MEI4: variants seen among roughly 807,000 people sequenced by gnomAD.
MEI4 encodes meiotic double-stranded break formation protein 4.
Under a neutral mutation model 31.4 loss-of-function variants are expected in MEI4, and 27 were observed. The ratio of observed to expected loss-of-function variants is 0.86; its 90% CI spans 0.63 to 1.19. The LOEUF (loss-of-function observed/expected upper bound fraction) is 1.19. MEI4 is among the 50% of genes most tolerant of loss of function. The probability of loss-of-function intolerance (pLI) is 0.00; values close to 1 mark genes in which losing one functional copy is unlikely to be tolerated. For missense variants in MEI4, 329 were observed against 398.9 expected (o/e 0.82, Z 1.49); for synonymous variants, 122 against 145.4 (o/e 0.84, Z 1.16).
intron 2 of MEI4, among the ~76,000 whole-genome samples, chr6:77,735,089 C>T (rs9352518): frequency 0.81 from 122,893 of 151,910 alleles, 50,018 homozygotes; most frequent in East Asian, 0.95. Context: ...ATTTCTACTT[C>T]GGTGAACTGA....
intron 4 of MEI4, among the ~76,000 whole-genome samples, chr6:77,862,113 A>G (rs1195089938): frequency 1.3e-5 from 2 of 151,908 alleles, no homozygotes; most frequent in Non-Finnish European, 2.9e-5. Context: ...GAATAGGAAC[A>G]GCTCCAGTCT....
Position 77,889,909 on chromosome 6 carries a change from C to T in MEI4, c.901-33180C>T, listed in dbSNP as rs578210239. 7.2e-5 allele frequency among the ~76,000 whole-genome samples: 11 copies of T among 152,278 alleles called. No individual in the cohort carries two copies. The South Asian group carries it at 8.3e-4, about 11-fold the overall frequency. On this transcript the variant is annotated intron_variant, in intron 4 of 4. Transcript: ENST00000684080. ...AAGCCCCAAGACTTGGAGGCTTACA[C>T]GTGGGGTTGGGCCTATGGGTACACA...
At chr6:77,678,933 A>T (rs2127648259) in intron 1 of MEI4, among the ~76,000 whole-genome samples, 1 of 150,926 alleles carries the variant, frequency 6.6e-6, no homozygotes, top group East Asian at 1.9e-4. Context: ...TTTTTAACAA[A>T]AATGTTTAAG....
upstream of MEI4, among the ~76,000 whole-genome samples, chr6:77,650,906 G>C (rs1467452713): frequency 6.6e-6 from 1 of 152,130 alleles, no homozygotes; most frequent in African/African-American, 2.4e-5. Flanking sequence ...GTGTTTTGAG[G>C]TCTTTGGTGG....
intron 4 of MEI4, among the ~76,000 whole-genome samples, chr6:77,864,241 A>T (rs531528426): frequency 6.6e-6 from 1 of 152,302 alleles, no homozygotes; most frequent in South Asian, 2.1e-4. Flanking sequence ...CATTAACCTT[A>T]AATGTAAATG....
chr6:77,683,440 A>G (rs1004845348), intron 1 of MEI4, among the ~76,000 whole-genome samples: 1 of 152,120 alleles, frequency 6.6e-6, no homozygotes, highest in Admixed American at 6.6e-5. Flanking sequence ...TTCTTTCAGG[A>G]ATTTTCAAGT....
chr6:77,807,261 G>A (rs1189169697), intron 3 of MEI4, among the ~76,000 whole-genome samples: 2 of 151,730 alleles, frequency 1.3e-5, no homozygotes, highest in African/African-American at 4.8e-5. Context: ...ATCTAATAAA[G>A]GCCTGAAATA....
At chr6:77,829,134 C>G (rs1362170282) in intron 4 of MEI4, 72 bp downstream of exon 4, 1 of 1,084,532 alleles carries the variant, frequency 9.2e-7, no homozygotes, top group Non-Finnish European at 1.2e-6. Flanking sequence ...CTTTTCCCTT[C>G]TTTCTTCTCT....
chr6:77,783,148 G>T (rs1020344876), intron 3 of MEI4, among the ~76,000 whole-genome samples: 2 of 152,070 alleles, frequency 1.3e-5, no homozygotes, highest in Non-Finnish European at 2.9e-5. Context: ...GAAAAATGGA[G>T]CCTTTCTGCC....
At chr6:77,737,158 A>C (rs1301112547) in intron 2 of MEI4, among the ~76,000 whole-genome samples, 1 of 152,208 alleles carries the variant, frequency 6.6e-6, no homozygotes, top group Non-Finnish European at 1.5e-5. Flanking sequence ...ATAAAAGGGA[A>C]ACTTAATATT....
intron 2 of MEI4, among the ~76,000 whole-genome samples, chr6:77,736,921 G>C (rs1489131138): frequency 2.6e-5 from 4 of 151,084 alleles, no homozygotes; most frequent in Non-Finnish European, 5.9e-5. Context: ...AGAGAGCTAT[G>C]GGTACTAGGC....
At chr6:77,690,180 A>T (rs1199337580) in intron 1 of MEI4, among the ~76,000 whole-genome samples, 1 of 152,020 alleles carries the variant, frequency 6.6e-6, no homozygotes, top group Non-Finnish European at 1.5e-5. Context: ...GGAATGCAAG[A>T]TTTAACAGAT....
chr6:77,682,374 A>G (rs1768974879), intron 1 of MEI4, among the ~76,000 whole-genome samples: 1 of 152,148 alleles, frequency 6.6e-6, no homozygotes, highest in Admixed American at 6.5e-5. Flanking sequence ...TGCGAATTAG[A>G]TTTTACCTTT....
In MEI4 at chr6:77,801,895, A is replaced by C. The variant is rs536471231; in HGVS notation, c.769-27036A>C. ...TTGCTGAGGAGTGCTTTGCTTCCAA[A>C]TATGTGGTCAATTTTGGAATATGTA... On this transcript the variant is annotated intron_variant, in intron 3 of 4. Coordinates refer to ENST00000684080, the MANE Select transcript of MEI4 (RefSeq NM_001322247.2). 3.3e-5 allele frequency among the ~76,000 whole-genome samples: 5 copies of C among 152,200 alleles called. No individual in the cohort carries two copies. The East Asian group carries it at 9.6e-4, about 29-fold the overall frequency.
chr6:77,685,291 A>G (rs1452445198), intron 1 of MEI4, among the ~76,000 whole-genome samples: 1 of 141,990 alleles, frequency 7.0e-6, no homozygotes, highest in South Asian at 2.2e-4. Flanking sequence ...ATTTATTTCC[A>G]TTCTCTGGGT....
chr6:77,663,081 G>A (rs903885798), intron 1 of MEI4, among the ~76,000 whole-genome samples: 2 of 152,262 alleles, frequency 1.3e-5, no homozygotes, highest in African/African-American at 4.8e-5. Flanking sequence ...AGGTATTGAG[G>A]ATAGGAGAGT....
chr6:77,901,263 A>G (rs1437728248), intron 4 of MEI4, among the ~76,000 whole-genome samples: 2 of 151,998 alleles, frequency 1.3e-5, no homozygotes, highest in Non-Finnish European at 2.9e-5. Flanking sequence ...ATAGGCTAGC[A>G]ACATTTTTTT....
intron 3 of MEI4, among the ~76,000 whole-genome samples, chr6:77,808,060 G>GT (rs1561997563): frequency 6.6e-6 from 1 of 152,098 alleles, no homozygotes; most frequent in African/African-American, 2.4e-5. Flanking sequence ...GAGTAAACCT[G>GT]TTTCTGTGAT....
At chr6:77,673,265 A>C (rs1352996440) in intron 1 of MEI4, among the ~76,000 whole-genome samples, 1 of 152,228 alleles carries the variant, frequency 6.6e-6, no homozygotes. Flanking sequence ...TAGTAGTAGT[A>C]GTAGTACTAG....
Sources: allele counts gnomAD v4.1 joint callset (sites outside exome capture counted in the v4.1 genomes callset), GRCh38; gene constraint gnomAD v4.1.1; transcripts MANE v1.5; gene names NCBI Gene and HGNC (gene_info 2026-07-23, HGNC 2026-07-21).